LRCH2: variants seen among roughly 807,000 people sequenced by gnomAD.
LRCH2 encodes the protein leucine-rich repeat and calponin homology domain-containing protein 2.
In LRCH2, 38 loss-of-function variants were observed where a neutral mutation model predicts 68.9. That is an observed-to-expected ratio of 0.55 (90% CI 0.43 to 0.72). LRCH2 has a LOEUF of 0.72. Among genes scored for constraint, LRCH2 ranks in the 30% least tolerant of loss-of-function variants. LRCH2 has a pLI of 0.00. For synonymous variants in LRCH2, 191 were observed against 208.1 expected (o/e 0.92, Z 0.71); for missense variants, 528 against 572.9 (o/e 0.92, Z 0.80).
intron 1 of LRCH2, among the ~76,000 whole-genome samples, chrX:115,207,813 T>C (rs782697215): frequency 8.9e-6 from 1 of 112,257 alleles, no homozygotes; most frequent in Non-Finnish European, 1.9e-5. Flanking sequence ...TTTACAGATG[T>C]AATTAAGAGT....
intron 17 of LRCH2, 57 bp from the exon 18 acceptor site, chrX:115,123,249 T>C (rs1408182456): frequency 8.9e-6 from 8 of 895,916 alleles, no homozygotes; most frequent in Non-Finnish European, 1.3e-5. Flanking sequence ...GAGCAACTAT[T>C]GATGGGGAAA....
chrX:115,121,300 C>T (rs2806268), intron 20 of LRCH2, among the ~76,000 whole-genome samples: 35,890 of 109,827 alleles, frequency 0.33, 5,051 homozygotes, highest in African/African-American at 0.54. Context: ...TATTTCCCCA[C>T]TGAAAGATTG....
At chrX:115,221,191 AAAAAAAAAAAAAAAAAAAAAT>A (rs1439638939) in intron 1 of LRCH2, among the ~76,000 whole-genome samples, 4 of 67,795 alleles carry the variant, frequency 5.9e-5, no homozygotes, top group Non-Finnish European at 9.9e-5. Flanking sequence ...AAAAAAAAAA[AAAAAAAAAAAAAAAAAAAAAT>A]ATATATATAT....
intron 1 of LRCH2, among the ~76,000 whole-genome samples, chrX:115,233,038 A>G (rs1226055722): frequency 8.9e-6 from 1 of 112,198 alleles, no homozygotes; most frequent in African/African-American, 3.2e-5. Flanking sequence ...ATAACTCAAA[A>G]CAAGGATTAG....
chrX:115,227,261 T>G (rs1482889715), intron 1 of LRCH2, among the ~76,000 whole-genome samples: 2 of 104,105 alleles, frequency 1.9e-5, no homozygotes, highest in Non-Finnish European at 3.9e-5. Context: ...CCAGGCAACA[T>G]AGCCAGGGCA....
chrX:115,130,357 T>A (rs2072233038), intron 14 of LRCH2, among the ~76,000 whole-genome samples, 158 bp from the exon 15 acceptor site: 1 of 111,977 alleles, frequency 8.9e-6, no homozygotes, highest in Admixed American at 9.5e-5. Context: ...CTACTACTAA[T>A]AACTAACAAA....
chrX:115,188,219 T>C lies in LRCH2; in HGVS notation c.494+7A>G, dbSNP rs1368094101. 1 of 1,097,395 alleles carries C rather than the reference T, an allele frequency of 9.1e-7. No homozygotes were observed. Among genetic ancestry groups the C allele is most frequent in the Non-Finnish European group, 1.2e-6 (1 of 836,657 alleles). 90.4% of individuals were successfully genotyped at this position (1,097,395 alleles called of 1,213,427 possible). ...AACCAAAATTTATTTTTAAATTGTTTCCTTACCTAATGTTAAGGTATGTTA... is the reference window on the plus strand; with the variant it reads ...AACCAAAATTTATTTTTAAATTGTTCCCTTACCTAATGTTAAGGTATGTTA... On this transcript the variant is annotated splice_region_variant and intron_variant, in intron 2 of 20. Coordinates refer to ENST00000317135, the MANE Select transcript of LRCH2 (RefSeq NM_020871.4).
chrX:115,135,251 C>T (rs1235495613), intron 14 of LRCH2, among the ~76,000 whole-genome samples: 1 of 107,531 alleles, frequency 9.3e-6, no homozygotes, highest in African/African-American at 3.4e-5. Context: ...CCACCCCCGA[C>T]CAAGTAGAGG....
intron 3 of LRCH2, among the ~76,000 whole-genome samples, chrX:115,180,503 T>A (rs2072683724): frequency 9.0e-6 from 1 of 110,790 alleles, no homozygotes; most frequent in Non-Finnish European, 1.9e-5. Flanking sequence ...CTCTCTCCCC[T>A]CTTTCTTATA....
chrX:115,232,995 T>C (rs1339828481), intron 1 of LRCH2, among the ~76,000 whole-genome samples: 2 of 112,079 alleles, frequency 1.8e-5, no homozygotes, highest in African/African-American at 6.5e-5. Context: ...CTTAAAATTG[T>C]TGGCTTTCTA....
Position 115,188,146 on chromosome X carries a change from A to G in LRCH2, c.494+80T>C, listed in dbSNP as rs1441735293. 8.3e-6 allele frequency: 6 copies of G among 722,250 alleles called. 1 individual carries two copies. In the Admixed American group the frequency reaches 2.7e-4, roughly 33 times the overall value. 59.5% of individuals were successfully genotyped at this position (722,250 alleles called of 1,213,427 possible). A position where few individuals can be genotyped will look rare whatever the true frequency, so the allele number is the denominator to read the frequency against. On this transcript the variant is annotated intron_variant, in intron 2 of 20. Coordinates refer to ENST00000317135, the MANE Select transcript of LRCH2 (RefSeq NM_020871.4). ...AGATAAATTTAAGCTACACAGCCAA[A>G]TCAAACATATTCCTTTGCGACTAAA...
chrX:115,190,902 G>A (rs1482508722), intron 1 of LRCH2: 23 of 1,159,807 alleles, frequency 2.0e-5, no homozygotes, highest in South Asian at 1.1e-4. Flanking sequence ...GAGGCTGCTC[G>A]CCCGAGGCCT....
intron 16 of LRCH2, among the ~76,000 whole-genome samples, chrX:115,125,022 A>C: frequency 9.0e-6 from 1 of 111,234 alleles, no homozygotes; most frequent in Admixed American, 9.7e-5. Flanking sequence ...ATACATACTC[A>C]CCACCCTATC....
In LRCH2 at chrX:115,191,891, G is replaced by A. The variant is rs201240097; in HGVS notation, c.350-3521C>T. 1.9e-5 allele frequency: 22 copies of A among 1,163,223 alleles called. No individual in the cohort carries two copies. Among genetic ancestry groups the A allele is most frequent in the Non-Finnish European group, 2.3e-5 (20 of 871,830 alleles). ...AACGACCCCTGCAGAGGAGGAGGCC[G>A]CTACGAGGAGAACCGAGGTCACTCT... is the stretch of plus-strand genomic sequence containing the variant. On this transcript the variant is annotated intron_variant, in intron 1 of 20. Coordinates refer to ENST00000317135, the MANE Select transcript of LRCH2 (RefSeq NM_020871.4).
intron 1 of LRCH2, among the ~76,000 whole-genome samples, chrX:115,220,007 T>G (rs1556572960): frequency 8.9e-6 from 1 of 112,036 alleles, no homozygotes; most frequent in African/African-American, 3.2e-5. Flanking sequence ...GTCACACTCT[T>G]TCCCATAAAG....
intron 14 of LRCH2, among the ~76,000 whole-genome samples, chrX:115,131,878 G>A: frequency 9.0e-6 from 1 of 111,209 alleles, no homozygotes; most frequent in East Asian, 2.8e-4. Context: ...ATTTTTTCAT[G>A]TGTCTGTTTT....
chrX:115,171,940 C>A (rs1943209492), intron 5 of LRCH2, among the ~76,000 whole-genome samples: 1 of 110,845 alleles, frequency 9.0e-6, no homozygotes, highest in African/African-American at 3.3e-5. Flanking sequence ...CTCGGCCTCA[C>A]AAAGTGCTGG....
intron 1 of LRCH2, among the ~76,000 whole-genome samples, chrX:115,208,074 A>AT (rs1443245983): frequency 4.5e-5 from 5 of 112,294 alleles, no homozygotes; most frequent in Non-Finnish European, 9.4e-5. Flanking sequence ...TTTTAGCTCA[A>AT]TTAAATTTGT....
intron 20 of LRCH2, among the ~76,000 whole-genome samples, chrX:115,121,471 G>C (rs957615425): frequency 5.4e-5 from 6 of 110,981 alleles, no homozygotes; most frequent in Non-Finnish European, 1.9e-5. Flanking sequence ...GGCCAACATG[G>C]TGAAACTCCG....
Sources: gnomAD v4.1 joint callset for allele counts (sites outside exome capture counted in the v4.1 genomes callset) on GRCh38, gnomAD v4.1.1 for gene constraint, MANE v1.5 for transcripts, NCBI Gene and HGNC (gene_info 2026-07-23, HGNC 2026-07-21) for gene names.